Variants in CCT5 observed in about 807,000 individuals in gnomAD.
CCT5 encodes chaperonin containing TCP1 subunit 5.
CCT5 carries 6 observed loss-of-function variants against 55.0 expected under a neutral mutation model. The ratio of observed to expected loss-of-function variants is 0.11; its 90% CI spans 0.06 to 0.22. The LOEUF (loss-of-function observed/expected upper bound fraction) is 0.22. Among genes scored for constraint, CCT5 ranks in the 10% least tolerant of loss-of-function variants. CCT5 has a pLI of 1.00. For synonymous variants in CCT5, 231 were observed against 243.7 expected (o/e 0.95, Z 0.49); for missense variants, 560 against 694.6 (o/e 0.81, Z 2.18).
intron 8 of CCT5, 125 bp downstream of exon 8, chr5:10,261,870 G>A (rs1391478908): frequency 4.9e-6 from 4 of 811,680 alleles, no homozygotes; most frequent in African/African-American, 1.7e-5. Flanking sequence ...CTCAAACAAT[G>A]ACGTATCATG....
intron 4 of CCT5, among the ~76,000 whole-genome samples, chr5:10,257,701 A>G (rs1301271078): frequency 1.3e-5 from 2 of 152,224 alleles, no homozygotes; most frequent in African/African-American, 4.8e-5. Flanking sequence ...TCATTGAGAT[A>G]AGAGTGACTC....
At chr5:10,255,813 A>G (rs537035555) in intron 3 of CCT5, 142 bp from the exon 4 acceptor site, 1 of 735,696 alleles carries the variant, frequency 1.4e-6, no homozygotes, top group African/African-American at 1.8e-5. Flanking sequence ...TTTTAAAAAT[A>G]GAGGGCTTCT....
At chr5:10,254,870 A>T (rs1486054853) in intron 3 of CCT5, 32 bp downstream of exon 3, 1 of 1,589,496 alleles carries the variant, frequency 6.3e-7, no homozygotes, top group Non-Finnish European at 8.6e-7. Flanking sequence ...TTTCTCATTT[A>T]AGAGACGTCA....
At chr5:10,254,877 G>C in intron 3 of CCT5, 39 bp downstream of exon 3, 1 of 1,556,602 alleles carries the variant, frequency 6.4e-7, no homozygotes, top group South Asian at 1.1e-5. Flanking sequence ...TTTAAGAGAC[G>C]TCATTTAAGA....
In CCT5 at chr5:10,265,318, AC is replaced by A. The variant is rs1746171089; in HGVS notation, c.*538del. 6.1e-6 allele frequency: 1 copy of A among 163,148 alleles called. No homozygotes were observed. Among genetic ancestry groups the A allele is most frequent in the African/African-American group, 2.4e-5 (1 of 41,452 alleles). 10.1% of individuals were successfully genotyped at this position (163,148 alleles called of 1,614,324 possible). Reference sequence around the variant, plus strand: ...GGCGTGTTGTTTAGGGCTGATGGAGACCCATGTGAGCCTTTGCTTTCCTCTG... The same window carrying A: ...GGCGTGTTGTTTAGGGCTGATGGAGACCATGTGAGCCTTTGCTTTCCTCTG... On this transcript the variant is annotated 3_prime_UTR_variant, in exon 11 of 11. Coordinates refer to ENST00000280326, the MANE Select transcript of CCT5 (RefSeq NM_012073.5).
At chr5:10,249,976 A>G (rs561354292), upstream of CCT5, 9 of 1,540,702 alleles carry the variant, frequency 5.8e-6, no homozygotes, top group Admixed American at 9.9e-5. Context: ...CGGAGTGCGA[A>G]GAAATAAAGA....
intron 6 of CCT5, among the ~76,000 whole-genome samples, chr5:10,259,722 T>C (rs1298416645): frequency 6.6e-6 from 1 of 152,092 alleles, no homozygotes; most frequent in Non-Finnish European, 1.5e-5. Flanking sequence ...TGGCGGGAGC[T>C]TATAAATAAA....
At chr5:10,261,778 C>T in intron 8 of CCT5, 33 bp downstream of exon 8, 1 of 1,577,078 alleles carries the variant, frequency 6.3e-7, no homozygotes, top group Non-Finnish European at 8.7e-7. Context: ...TATACTGTTG[C>T]TTATTTTGCT....
At position 10,264,944 on chromosome 5, in the gene CCT5, CTG is replaced by C. The variant is rs2126522374; in HGVS notation, c.*165_*166del. Reference sequence around the variant, plus strand: ...TAACCATAGTTTCACTTGTTCAAAGCTGTGTAATCGTGGGGGTACCATCTCAA... The same window carrying C: ...TAACCATAGTTTCACTTGTTCAAAGCTGTAATCGTGGGGGTACCATCTCAA... On this transcript the variant is annotated 3_prime_UTR_variant, in exon 11 of 11. Coordinates refer to ENST00000280326, the MANE Select transcript of CCT5 (RefSeq NM_012073.5). 1 of 902,874 alleles carries C rather than the reference CTG, an allele frequency of 1.1e-6. No individual in the cohort carries two copies. The highest frequency in any genetic ancestry group is 1.7e-5 in the African/African-American group (1 of 60,412). The allele number at this position is 902,874 out of a possible 1,614,324, so 55.9% of individuals were successfully genotyped here.
rs1237370862 is a variant in CCT5, at chr5:10,266,250, C to G, written c.*1467C>G. On this transcript the variant is annotated 3_prime_UTR_variant, in exon 11 of 11. Coordinates refer to ENST00000280326, the MANE Select transcript of CCT5 (RefSeq NM_012073.5). ...GTATCAGAAGAGCCACTAAACCAAT[C>G]CCCCTTTCCAAAATTGAACCTCACA... The G allele has an allele frequency of 6.6e-6, 1 of 151,722 alleles. No homozygotes were observed. Among genetic ancestry groups the G allele is most frequent in the East Asian group, 1.9e-4 (1 of 5,200 alleles). The allele number at this position is 151,722 out of a possible 1,614,324, so 9.4% of individuals were successfully genotyped here.
intron 2 of CCT5, chr5:10,254,443 A>AAGGG (rs1193749447): frequency 3.3e-6 from 2 of 606,230 alleles, no homozygotes; most frequent in African/African-American, 1.9e-5. Flanking sequence ...CATTTTCCAA[A>AAGGG]TCATAGTTGT....
At chr5:10,255,283 A>T (rs1019116771) in intron 3 of CCT5, among the ~76,000 whole-genome samples, 1 of 152,248 alleles carries the variant, frequency 6.6e-6, no homozygotes, top group African/African-American at 2.4e-5. Context: ...CAAATAGTTG[A>T]ACAGAAACAG....
At chr5:10,259,222 G>A (rs1382385112) in intron 6 of CCT5, among the ~76,000 whole-genome samples, 2 of 152,158 alleles carry the variant, frequency 1.3e-5, no homozygotes, top group Admixed American at 1.3e-4. Flanking sequence ...TCTAGTTTGG[G>A]TTCATGAATA....
chr5:10,261,824 A>G (rs1309238312), intron 8 of CCT5, 79 bp downstream of exon 8: 1 of 1,075,546 alleles, frequency 9.3e-7, no homozygotes, highest in Non-Finnish European at 1.5e-6. Context: ...TGTATTTAAC[A>G]GAGACACAGT....
chr5:10,249,970 G>C, upstream of CCT5: 1 of 1,530,474 alleles, frequency 6.5e-7, no homozygotes, highest in Non-Finnish European at 8.8e-7. Context: ...CGGAGCCGGA[G>C]TGCGAAGAAA....
At chr5:10,255,535 A>G (rs1225680474) in intron 3 of CCT5, among the ~76,000 whole-genome samples, 2 of 151,934 alleles carry the variant, frequency 1.3e-5, no homozygotes, top group African/African-American at 4.8e-5. Context: ...GATTTAAACA[A>G]AATTCATCTT....
At chr5:10,259,325 G>A (rs952872682) in intron 6 of CCT5, among the ~76,000 whole-genome samples, 3 of 152,206 alleles carry the variant, frequency 2.0e-5, no homozygotes, top group African/African-American at 7.2e-5. Flanking sequence ...CAAGAAGACA[G>A]GAACGTGGGT....
rs1293325320 is a variant in CCT5 at position 10,256,171 on chromosome 5, A to G, written c.530+18A>G. On this transcript the variant is annotated intron_variant, in intron 4 of 10. Transcript: ENST00000280326. ...TCCAAAGTGTACGTTTCAGTAGATG[A>G]TATGATTACCCATTTGTAGAGGAGG... 6.2e-7 allele frequency: 1 copy of G among 1,605,790 alleles called. No homozygotes were observed. The highest frequency in any genetic ancestry group is 1.7e-5 in the Admixed American group (1 of 59,362).
intron 8 of CCT5, 75 bp from the exon 9 acceptor site, chr5:10,262,406 A>G: frequency 6.5e-7 from 1 of 1,529,606 alleles, no homozygotes; most frequent in Non-Finnish European, 9.0e-7. Flanking sequence ...TCTGTCTTTA[A>G]AAAGGTGCCA....
Sources: gnomAD v4.1 joint callset for allele counts (sites outside exome capture counted in the v4.1 genomes callset) on GRCh38, gnomAD v4.1.1 for gene constraint, MANE v1.5 for transcripts, NCBI Gene and HGNC (gene_info 2026-07-23, HGNC 2026-07-21) for gene names.